Variants in MYH9 observed in about 807,000 individuals in gnomAD.
The protein encoded by MYH9 is myosin-9.
In MYH9, 29 loss-of-function variants were observed where a neutral mutation model predicts 241.9. That is an observed-to-expected ratio of 0.12 (90% CI 0.09 to 0.16). The LOEUF (loss-of-function observed/expected upper bound fraction) is 0.16. MYH9 is among the 10% of genes least tolerant of loss of function. The probability of loss-of-function intolerance (pLI) is 1.00; values close to 1 mark genes in which losing one functional copy is unlikely to be tolerated. For missense variants in MYH9, 1,803 were observed against 2,595.5 expected (o/e 0.69, Z 6.63); for synonymous variants, 1,047 against 1,062.6 (o/e 0.99, Z 0.29).
At position 36,285,961 on chromosome 22, in the gene MYH9, A is replaced by G; in HGVS notation, c.5062-8T>C. 1.2e-6 allele frequency: 2 copies of G among 1,609,678 alleles called. No homozygotes were observed. Among genetic ancestry groups the G allele is most frequent in the Non-Finnish European group, 8.5e-7 (1 of 1,179,924 alleles). The stretch of plus-strand genomic sequence containing the variant: ...CTCCGCGGCTGCCAGTTCCTGCCAC[A>G]AAGACCCAGAGTGTGACCTAAAGGC... On this transcript the variant is annotated splice_polypyrimidine_tract_variant and splice_region_variant and intron_variant, in intron 35 of 40. Transcript: ENST00000216181. This position sits in a 1 kb window ranked among gnomAD's most constrained non-coding sequence, Gnocchi z 7.0.
chr22:36,287,135 C>T (rs1569534742), intron 34 of MYH9, among the ~76,000 whole-genome samples: 1 of 152,210 alleles, frequency 6.6e-6, no homozygotes, highest in Non-Finnish European at 1.5e-5. Context: ...GCCCATGGTG[C>T]CACCCCTAAT....
chr22:36,291,952 G>T, intron 31 of MYH9, 34 bp downstream of exon 31: 1 of 1,613,798 alleles, frequency 6.2e-7, no homozygotes, highest in Admixed American at 1.7e-5. Flanking sequence ...TTGAAGGAGA[G>T]GAAATGCAAA....
At chr22:36,315,978 C>G (rs939763208) in intron 12 of MYH9, among the ~76,000 whole-genome samples, 22 of 150,276 alleles carry the variant, frequency 1.5e-4, no homozygotes, top group East Asian at 1.9e-4. Flanking sequence ...GCAAAGGCTG[C>G]AGTGAGCTAT....
chr22:36,319,668 G>C (rs2017218473), intron 9 of MYH9, 33 bp from the exon 10 acceptor site: 2 of 1,604,612 alleles, frequency 1.2e-6, no homozygotes, highest in Non-Finnish European at 1.7e-6. Flanking sequence ...CTCAGAAGCA[G>C]ACATGGGTCA....
intron 1 of MYH9, among the ~76,000 whole-genome samples, chr22:36,367,489 C>T (rs924022651): frequency 1.3e-5 from 2 of 152,216 alleles, no homozygotes; most frequent in Non-Finnish European, 2.9e-5. Context: ...CTCCTGCATT[C>T]CCCGGGGGAA....
intron 15 of MYH9, among the ~76,000 whole-genome samples, chr22:36,307,625 C>A (rs1035699022): frequency 1.3e-5 from 2 of 152,146 alleles, no homozygotes; most frequent in African/African-American, 4.8e-5. Flanking sequence ...TGGTGGCTCG[C>A]GCCTGTAATC....
intron 1 of MYH9, among the ~76,000 whole-genome samples, chr22:36,382,390 G>A (rs999507378): frequency 4.6e-5 from 7 of 152,172 alleles, no homozygotes; most frequent in Admixed American, 6.5e-5. Flanking sequence ...CAGGAGAATC[G>A]CTTGAACCCA....
intron 10 of MYH9, among the ~76,000 whole-genome samples, chr22:36,319,281 C>T (rs1042426149): frequency 1.3e-5 from 2 of 152,046 alleles, no homozygotes; most frequent in East Asian, 1.9e-4. Flanking sequence ...GGTGTCCTGA[C>T]GAATGGTTTG....
In MYH9 at chr22:36,337,841, C is replaced by CA. The variant is rs546090218; in HGVS notation, c.490+3528dup. 6.6e-5 allele frequency among the ~76,000 whole-genome samples: 10 copies of CA among 152,260 alleles called. No homozygotes were observed. In the East Asian group the frequency reaches 1.7e-3, roughly 26 times the overall value. ...GTGACACATGACCCAGGGCAAGAAC[C>CA]AAAGGTTCCTCTGGATATTTTTCTT... On this transcript the variant is annotated intron_variant, in intron 3 of 40. Transcript: ENST00000216181.
chr22:36,349,036 C>G lies in MYH9; in HGVS notation c.201G>C (p.Val67=), dbSNP rs2017725451. 1.2e-6 allele frequency: 2 copies of G among 1,614,146 alleles called. No homozygotes were observed. Among genetic ancestry groups the G allele is most frequent in the Admixed American group, 3.3e-5 (2 of 60,006 alleles). The change falls in exon 2 of 41, where the codon GTG becomes GTC. Residue 67 remains valine (V), a synonymous_variant. Transcript: ENST00000216181. ...TCATCTTCTGGATGTCATCCTTGTTCACCTTCACCTTCTTCCCATTCTCCA... is the reference window on the plus strand; with the variant it reads ...TCATCTTCTGGATGTCATCCTTGTTGACCTTCACCTTCTTCCCATTCTCCA... The part of the protein sequence containing the change: ...ELVENGKKVK[V]NKDDIQKMNP...
chr22:36,302,703 C>G (rs776704254), intron 19 of MYH9, 27 bp from the exon 20 acceptor site: 23 of 1,599,140 alleles, frequency 1.4e-5, no homozygotes, highest in Non-Finnish European at 1.9e-5. Flanking sequence ...ATGGTCAGCG[C>G]GGAGCAGTGG....
chr22:36,347,054 TG>T (rs1005906628), intron 2 of MYH9, among the ~76,000 whole-genome samples: 35 of 152,268 alleles, frequency 2.3e-4, no homozygotes, highest in African/African-American at 7.5e-4. Context: ...TCTTTCCCAC[TG>T]GGGACAAAAC....
intron 1 of MYH9, among the ~76,000 whole-genome samples, chr22:36,387,041 G>A (rs1001416818): frequency 3.9e-5 from 6 of 152,152 alleles, no homozygotes; most frequent in African/African-American, 1.4e-4. Context: ...GCTGCATTCC[G>A]GGCCTCCCTC....
rs1419391669 is a variant in MYH9, at chr22:36,293,299, G to A, written c.4095+30C>T. 4 of 1,613,222 alleles carry A rather than the reference G, an allele frequency of 2.5e-6. No individual in the cohort carries two copies. The highest frequency in any genetic ancestry group is 1.7e-5 in the Admixed American group (1 of 59,996). On this transcript the variant is annotated intron_variant, in intron 30 of 40. Coordinates refer to ENST00000216181, the MANE Select transcript of MYH9 (RefSeq NM_002473.6). The surrounding 1 kb of genome is among the most constrained non-coding windows in gnomAD (Gnocchi z 5.1). Reference sequence around the variant, plus strand: ...CCGGCCAGCAGCTCCCCAGCCTGCAGAGTCCGGCCGGTCCCCCAGGCCTCC... The same window carrying A: ...CCGGCCAGCAGCTCCCCAGCCTGCAAAGTCCGGCCGGTCCCCCAGGCCTCC...
At chr22:36,379,707 C>G (rs543896937) in intron 1 of MYH9, among the ~76,000 whole-genome samples, 1 of 152,092 alleles carries the variant, frequency 6.6e-6, no homozygotes, top group African/African-American at 2.4e-5. Context: ...CCAACCTGCA[C>G]GGCAGGAAGC....
At chr22:36,322,858 A>G (rs1044761447) in intron 5 of MYH9, among the ~76,000 whole-genome samples, 1 of 151,786 alleles carries the variant, frequency 6.6e-6, no homozygotes, top group Admixed American at 6.6e-5. Flanking sequence ...GGCGGCACAG[A>G]CACCCTGGGA....
intron 1 of MYH9, among the ~76,000 whole-genome samples, chr22:36,383,300 C>T (rs2146430014): frequency 6.6e-6 from 1 of 152,268 alleles, no homozygotes; most frequent in Non-Finnish European, 1.5e-5. Context: ...TCCAGTCACC[C>T]AAGTCCAGTG....
intron 1 of MYH9, among the ~76,000 whole-genome samples, chr22:36,358,596 T>C (rs532340726): frequency 5.9e-5 from 9 of 152,204 alleles, no homozygotes; most frequent in African/African-American, 2.2e-4. Context: ...TACCCTCTTC[T>C]GGGTGTCCAT....
chr22:36,284,321 C>T (rs890489620), intron 39 of MYH9, 56 bp from the exon 40 acceptor site: 2 of 1,604,444 alleles, frequency 1.2e-6, no homozygotes, highest in Admixed American at 3.4e-5. Flanking sequence ...GGCGTGCAGC[C>T]AGTCAGCCCC....
Sources: gnomAD v4.1 joint callset for allele counts (sites outside exome capture counted in the v4.1 genomes callset) on GRCh38, gnomAD v4.1.1 for gene constraint, Gnocchi (gnomAD v3.1) non-coding constraint, MANE v1.5 for transcripts, NCBI Gene and HGNC (gene_info 2026-07-23, HGNC 2026-07-21) for gene names.